The following PTPRT variants were observed in gnomAD, a reference collection of about 807,000 sequenced individuals.
The protein encoded by PTPRT is receptor-type tyrosine-protein phosphatase T.
A neutral mutation model predicts 176.8 loss-of-function variants in PTPRT; 56 were observed. The ratio of observed to expected loss-of-function variants is 0.32; its 90% confidence interval spans 0.26 to 0.40. PTPRT has a LOEUF of 0.40. PTPRT is among the 10% of genes least tolerant of loss of function. The pLI, the probability that PTPRT is intolerant of heterozygous loss-of-function variation, is 1.00. For synonymous variants in PTPRT, 783 were observed against 739.0 expected, an observed-to-expected ratio of 1.06 and a Z score of -0.96; for missense variants, 1,540 against 1,908.2, an observed-to-expected ratio of 0.81 and a Z score of 3.60.
chr20:42,366,199 ACCC>A, intron 9 of PTPRT, among the ~76,000 whole-genome samples: 1 of 152,110 alleles, frequency 6.6e-6, no homozygotes, highest in South Asian at 2.1e-4. Context: ...TCCAGAGGCC[ACCC>A]TTGAGGGTAG....
At chr20:43,074,838 A>C (rs1392155161) in intron 1 of PTPRT, among the ~76,000 whole-genome samples, 2 of 152,252 alleles carry the variant, frequency 1.3e-5, no homozygotes, top group Non-Finnish European at 2.9e-5. Flanking sequence ...AGAAAATGGA[A>C]GGATATCGAT....
intron 1 of PTPRT, among the ~76,000 whole-genome samples, chr20:43,185,924 T>C (rs1370405211): frequency 2.8e-5 from 3 of 107,788 alleles, no homozygotes; most frequent in Admixed American, 1.2e-4. Context: ...AGAGTAAGAC[T>C]GATCTCAAAA....
chr20:42,917,388 G>A (rs1417563600), intron 1 of PTPRT, among the ~76,000 whole-genome samples: 1 of 152,144 alleles, frequency 6.6e-6, no homozygotes, highest in Admixed American at 6.6e-5. Context: ...TTTGAAGTCA[G>A]GTAGCGCGAT....
At chr20:43,000,262 A>G (rs1322899926) in intron 1 of PTPRT, among the ~76,000 whole-genome samples, 1 of 152,240 alleles carries the variant, frequency 6.6e-6, no homozygotes, top group East Asian at 1.9e-4. Context: ...TGCCAAGGAA[A>G]ACAAGTTATG....
At chr20:43,050,650 G>A (rs1462471142) in intron 1 of PTPRT, among the ~76,000 whole-genome samples, 1 of 152,194 alleles carries the variant, frequency 6.6e-6, no homozygotes, top group Admixed American at 6.5e-5. Flanking sequence ...ATAATTTTGG[G>A]CAGGCCACTT....
At chr20:42,780,726 G>A (rs891262063) in intron 3 of PTPRT, among the ~76,000 whole-genome samples, 9 of 152,100 alleles carry the variant, frequency 5.9e-5, no homozygotes, top group African/African-American at 2.2e-4. Context: ...AAGCCAAGGA[G>A]GGTTTACCAT....
At chr20:42,947,962 T>C (rs574960057) in intron 1 of PTPRT, among the ~76,000 whole-genome samples, 17 of 152,268 alleles carry the variant, frequency 1.1e-4, no homozygotes, top group African/African-American at 3.9e-4. Flanking sequence ...TGGCACACAG[T>C]AGGTGCTCAA....
chr20:43,142,878 C>T (rs1275139767), intron 1 of PTPRT, among the ~76,000 whole-genome samples: 3 of 152,214 alleles, frequency 2.0e-5, no homozygotes, highest in Non-Finnish European at 4.4e-5. Context: ...AGAAAGAGAG[C>T]ACTTAACTTT....
chr20:42,482,584 A>G (rs1253568389), intron 7 of PTPRT, among the ~76,000 whole-genome samples: 1 of 152,142 alleles, frequency 6.6e-6, no homozygotes, highest in African/African-American at 2.4e-5. Flanking sequence ...GGGGTAGGAG[A>G]TTAAATAATA....
intron 6 of PTPRT, among the ~76,000 whole-genome samples, chr20:42,696,156 T>C (rs2075871741): frequency 6.6e-6 from 1 of 151,078 alleles, no homozygotes; most frequent in Non-Finnish European, 1.5e-5. Flanking sequence ...TTTTCTTCCC[T>C]CTCCCCTAAA....
intron 16 of PTPRT, among the ~76,000 whole-genome samples, chr20:42,183,226 C>A (rs1990597022): frequency 3.3e-5 from 5 of 152,054 alleles, no homozygotes; most frequent in Admixed American, 3.3e-4. Flanking sequence ...CCACTTAATC[C>A]TATGGTTCTA....
intron 7 of PTPRT, among the ~76,000 whole-genome samples, chr20:42,549,052 C>A (rs1451666899): frequency 6.6e-6 from 1 of 152,252 alleles, no homozygotes; most frequent in Non-Finnish European, 1.5e-5. Context: ...ATCTGTTATA[C>A]TTAGTCCAAC....
intron 14 of PTPRT, among the ~76,000 whole-genome samples, chr20:42,242,440 T>C (rs1568701352): frequency 6.6e-6 from 1 of 152,066 alleles, no homozygotes; most frequent in South Asian, 2.1e-4. Context: ...GGGATGCAAA[T>C]ACAAAGGAAA....
At chr20:42,660,891 G>A (rs538479519) in intron 7 of PTPRT, among the ~76,000 whole-genome samples, 35 of 152,176 alleles carry the variant, frequency 2.3e-4, no homozygotes, top group South Asian at 8.3e-4. Context: ...TCACTTTGTC[G>A]TCCAGGCTGG....
intron 14 of PTPRT, among the ~76,000 whole-genome samples, chr20:42,242,648 T>C (rs115711044): frequency 2.7e-4 from 41 of 152,232 alleles, no homozygotes; most frequent in African/African-American, 9.6e-4. Context: ...GCAAAACTTA[T>C]GGAGCAGAGG....
chr20:43,002,347 G>T (rs1291300262), intron 1 of PTPRT, among the ~76,000 whole-genome samples: 1 of 145,284 alleles, frequency 6.9e-6, no homozygotes, highest in Non-Finnish European at 1.5e-5. Context: ...TGACTAATCA[G>T]AAAGATAATA....
chr20:42,236,458 G>T (rs1401483462), intron 14 of PTPRT, among the ~76,000 whole-genome samples, 200 bp from the exon 15 acceptor site: 1 of 152,160 alleles, frequency 6.6e-6, no homozygotes, highest in Admixed American at 6.5e-5. Flanking sequence ...AGTGGTAGAA[G>T]AAACAAGAGA....
At chr20:42,728,833 G>C (rs1184821491) in intron 6 of PTPRT, among the ~76,000 whole-genome samples, 2 of 152,166 alleles carry the variant, frequency 1.3e-5, no homozygotes, top group African/African-American at 4.8e-5. Flanking sequence ...TTTGAAGTTA[G>C]GGGAAATCAT....
intron 7 of PTPRT, among the ~76,000 whole-genome samples, chr20:42,610,892 T>C (rs1379264488): frequency 6.6e-6 from 1 of 151,920 alleles, no homozygotes; most frequent in Non-Finnish European, 1.5e-5. Flanking sequence ...TCTTTCCGTG[T>C]CTATAGACTT....
Sources: gnomAD v4.1 joint callset for allele counts (sites outside exome capture counted in the v4.1 genomes callset) on GRCh38, gnomAD v4.1.1 for gene constraint, MANE v1.5 for transcripts, NCBI Gene and HGNC (gene_info 2026-07-23, HGNC 2026-07-21) for gene names.